The following RARB variants were observed in gnomAD, a reference collection of about 807,000 sequenced individuals.
The protein encoded by RARB is HBV-activated protein.
In RARB, 17 loss-of-function variants were observed where a neutral mutation model predicts 51.9. The observed-to-expected ratio is 0.33, with a 90% confidence interval of 0.22 to 0.49. RARB has a LOEUF of 0.49. RARB is among the 20% of genes least tolerant of loss of function. The pLI, the probability that RARB is intolerant of heterozygous loss-of-function variation, is 0.99. For missense variants in RARB, 369 were observed against 550.8 expected, an observed-to-expected ratio of 0.67 and a Z score of 3.30; for synonymous variants, 215 against 195.4, an observed-to-expected ratio of 1.10 and a Z score of -0.84.
intron 5 of RARB, among the ~76,000 whole-genome samples, chr3:25,366,748 A>T (rs1185608039): frequency 6.6e-6 from 1 of 152,216 alleles, no homozygotes; most frequent in Non-Finnish European, 1.5e-5. Context: ...AGCACACATG[A>T]ACTCTCTGTG....
chr3:25,593,797 G>C (rs1466043329), intron 6 of RARB, 90 bp downstream of exon 6: 1 of 1,319,714 alleles, frequency 7.6e-7, no homozygotes, highest in Admixed American at 2.1e-5. Context: ...CCCTTTTGGA[G>C]TTGTTTTACA....
At chr3:24,856,084 A>C (rs1702630458) in intron 1 of RARB, among the ~76,000 whole-genome samples, 1 of 152,014 alleles carries the variant, frequency 6.6e-6, no homozygotes, top group South Asian at 2.1e-4. Flanking sequence ...TTCCTAGGTG[A>C]CTCTTGAATA....
At chr3:24,953,706 A>G (rs1695948411) in intron 2 of RARB, among the ~76,000 whole-genome samples, 1 of 152,114 alleles carries the variant, frequency 6.6e-6, no homozygotes, top group Non-Finnish European at 1.5e-5. Flanking sequence ...ATTTTTTTTC[A>G]AAAACAATTC....
chr3:25,368,105 G>A (rs1014466786), intron 5 of RARB, among the ~76,000 whole-genome samples: 2 of 152,000 alleles, frequency 1.3e-5, no homozygotes, highest in South Asian at 4.1e-4. Context: ...AGGGGGTAGG[G>A]GCTTGAAAAT....
chr3:25,294,224 A>G (rs1299622943), intron 5 of RARB, among the ~76,000 whole-genome samples: 1 of 152,218 alleles, frequency 6.6e-6, no homozygotes, highest in Admixed American at 6.5e-5. Flanking sequence ...TCATTCGTTA[A>G]GAATTAAGTT....
chr3:25,015,966 T>G (rs1039514486), intron 2 of RARB, among the ~76,000 whole-genome samples: 1 of 152,228 alleles, frequency 6.6e-6, no homozygotes, highest in Non-Finnish European at 1.5e-5. Context: ...TAACTCTGTT[T>G]TAGATAAAAC....
intron 2 of RARB, among the ~76,000 whole-genome samples, chr3:24,951,563 T>C (rs1404163274): frequency 6.6e-6 from 1 of 152,182 alleles, no homozygotes; most frequent in Non-Finnish European, 1.5e-5. Flanking sequence ...TCCGATGACA[T>C]ATAAGATCAA....
At position 25,581,989 on chromosome 3, in the gene RARB, G is replaced by A. The variant is rs139306219; in HGVS notation, c.786+1267G>A. The stretch of plus-strand genomic sequence containing the variant: ...CTTCCCAAGGTCACAGATGGGGGTG[G>A]TGCAAGATCGGGGTGGAGTGGGGTA... On this transcript the variant is annotated intron_variant, in intron 5 of 7. Transcript: ENST00000330688. Among the ~76,000 whole-genome samples, 237 of 152,274 alleles carry A rather than the reference G, an allele frequency of 1.6e-3. 1 individual carries two copies. Among genetic ancestry groups the A allele is most frequent in the African/African-American group, 5.6e-3 (231 of 41,538 alleles).
chr3:24,919,102 A>C (rs1695164795), intron 2 of RARB, among the ~76,000 whole-genome samples: 2 of 152,312 alleles, frequency 1.3e-5, no homozygotes, highest in South Asian at 4.1e-4. Flanking sequence ...TTTTAACAAA[A>C]TTGCAGGAGA....
At chr3:24,912,202 T>C (rs1375357690) in intron 2 of RARB, among the ~76,000 whole-genome samples, 1 of 152,150 alleles carries the variant, frequency 6.6e-6, no homozygotes, top group Non-Finnish European at 1.5e-5. Context: ...TGTGGCTCCA[T>C]GATAGTGTCC....
At chr3:25,315,257 C>A (rs950599732) in intron 5 of RARB, among the ~76,000 whole-genome samples, 1 of 152,112 alleles carries the variant, frequency 6.6e-6, no homozygotes, top group African/African-American at 2.4e-5. Context: ...CTAAATGAGT[C>A]CTCAGCTCAA....
At position 24,871,003 on chromosome 3, in the gene RARB, C is replaced by A. The variant is rs184738744; in HGVS notation, c.-380+12251C>A. On this transcript the variant is annotated intron_variant, in intron 2 of 11. Coordinates refer to the RARB transcript ENST00000383772. ...TATTCTATCTAACTATATTTTTGAA[C>A]CTCCTCATTCCCTTTCCCATCCTCC... is the stretch of plus-strand genomic sequence containing the variant. Among the ~76,000 whole-genome samples, 1,046 of 151,970 alleles carry A rather than the reference C, an allele frequency of 6.9e-3. 4 individuals are homozygous for A. The highest frequency in any genetic ancestry group is 0.041 in the Middle Eastern group (12 of 294).
At chr3:25,563,768 C>T (rs1700367577) in intron 3 of RARB, among the ~76,000 whole-genome samples, 1 of 152,094 alleles carries the variant, frequency 6.6e-6, no homozygotes, top group African/African-American at 2.4e-5. Context: ...CATGACAACC[C>T]CATAGTTCTA....
chr3:25,539,899 T>C (rs1305272852), intron 3 of RARB, among the ~76,000 whole-genome samples: 1 of 152,138 alleles, frequency 6.6e-6, no homozygotes, highest in African/African-American at 2.4e-5. Context: ...GGTCCCTTTA[T>C]ATATGAATTT....
chr3:24,943,678 G>A (rs1695716878), intron 2 of RARB, among the ~76,000 whole-genome samples: 1 of 152,116 alleles, frequency 6.6e-6, no homozygotes, highest in South Asian at 2.1e-4. Flanking sequence ...GACTACTGAT[G>A]GAATATTGTG....
intron 5 of RARB, among the ~76,000 whole-genome samples, chr3:25,186,673 T>C (rs1252001382): frequency 1.3e-5 from 2 of 152,090 alleles, no homozygotes; most frequent in Non-Finnish European, 2.9e-5. Flanking sequence ...TGATAATGAA[T>C]GAAAAACTCT....
intron 2 of RARB, among the ~76,000 whole-genome samples, chr3:24,871,225 A>G (rs9856392): frequency 0.23 from 35,389 of 152,094 alleles, 5,422 homozygotes; most frequent in East Asian, 0.44. Flanking sequence ...AAGGAAATTC[A>G]CTTCTATTCC....
rs967965154 is a variant in RARB, at chr3:25,122,306, C to T, written c.-327-9855C>T. Among the ~76,000 whole-genome samples, 3 of 151,838 alleles carry T rather than the reference C, an allele frequency of 2.0e-5. No homozygotes were observed. The East Asian group carries it at 5.8e-4, about 29-fold the overall frequency. On this transcript the variant is annotated intron_variant, in intron 3 of 11. Transcript: ENST00000383772. ...ATTAGTAATGATTAAGAATAAAATG[C>T]AAATATTTCTCTCAATTTCTGTTAT...
intron 2 of RARB, among the ~76,000 whole-genome samples, chr3:25,024,234 T>C (rs897710882): frequency 6.6e-6 from 1 of 152,228 alleles, no homozygotes; most frequent in South Asian, 2.1e-4. Context: ...AGATCTGTCT[T>C]TTCTAATTTT....
Sources: gnomAD v4.1 joint callset for allele counts (sites outside exome capture counted in the v4.1 genomes callset) on GRCh38, gnomAD v4.1.1 for gene constraint, MANE v1.5 for transcripts, NCBI Gene and HGNC (gene_info 2026-07-23, HGNC 2026-07-21) for gene names.